The following SETD2 variants were observed in gnomAD, a reference collection of about 807,000 sequenced individuals.
SETD2 encodes the protein SET domain containing 2, histone lysine methyltransferase.
Under a neutral mutation model 242.1 loss-of-function variants are expected in SETD2, and 31 were observed. The observed-to-expected ratio is 0.13, with a 90% CI of 0.10 to 0.17. The LOEUF (loss-of-function observed/expected upper bound fraction) is 0.17, where lower values mean the gene tolerates loss of function less well. SETD2 is among the 10% of genes least tolerant of loss of function. The pLI is 1.00. For missense variants in SETD2, 2,481 were observed against 3,046.3 expected, an observed-to-expected ratio of 0.81 and a Z score of 4.37; for synonymous variants, 1,006 against 1,066.5, an observed-to-expected ratio of 0.94 and a Z score of 1.11.
At chr3:47,134,634 C>CA (rs1300950553) in intron 1 of SETD2, among the ~76,000 whole-genome samples, 1 of 145,686 alleles carries the variant, frequency 6.9e-6, no homozygotes, top group Non-Finnish European at 1.5e-5. Flanking sequence ...TGCTCAATGA[C>CA]TTTTTTTTTT....
intron 1 of SETD2, among the ~76,000 whole-genome samples, chr3:47,136,525 C>T (rs2043593090): frequency 6.6e-6 from 1 of 152,158 alleles, no homozygotes; most frequent in South Asian, 2.1e-4. Flanking sequence ...CCTTAGTGAA[C>T]TAACTCAGAA....
chr3:47,128,653 T>A (rs1303261124), intron 1 of SETD2, among the ~76,000 whole-genome samples: 1 of 152,122 alleles, frequency 6.6e-6, no homozygotes. Flanking sequence ...AAATTAACCA[T>A]TTTTTTCTAC....
intron 3 of SETD2, chr3:47,119,763 A>G (rs1167058408): frequency 1.3e-5 from 6 of 468,912 alleles, no homozygotes; most frequent in Non-Finnish European, 2.7e-5. Context: ...CTAATACAGT[A>G]CCCAAAGATA....
chr3:47,033,203 T>A (rs1229870605), intron 18 of SETD2, among the ~76,000 whole-genome samples: 2 of 152,206 alleles, frequency 1.3e-5, no homozygotes, highest in Non-Finnish European at 1.5e-5. Flanking sequence ...TCCCCAAACA[T>A]ATCCCGAACA....
At position 47,120,816 on chromosome 3, in the gene SETD2, G is replaced by A. The variant is rs779292384; in HGVS notation, c.3820C>T (p.Pro1274Ser). The change falls in exon 3 of 21, where the codon CCT (proline) becomes TCT (serine). Residue 1274 changes from proline (P) to serine (S), a missense_variant. Coordinates refer to ENST00000409792, the MANE Select transcript of SETD2 (RefSeq NM_014159.7). Reference protein sequence around the residue: ...QEKPSTTYQQPDSSYGACGGH... With the variant: ...QEKPSTTYQQSDSSYGACGGH... ...CCACAAGCTCCATAGCTACTGTCAG[G>A]TTGCTGATACGTGGTAGAAGGCTTT... 3.1e-6 allele frequency: 5 copies of A among 1,614,214 alleles called. No homozygotes were observed. The East Asian group carries it at 6.7e-5, about 22-fold the overall frequency.
intron 18 of SETD2, among the ~76,000 whole-genome samples, chr3:47,036,522 A>C (rs2039002538): frequency 6.6e-6 from 1 of 151,620 alleles, no homozygotes. Flanking sequence ...ACCAAAAAAA[A>C]CAAAAAACAC....
intron 1 of SETD2, among the ~76,000 whole-genome samples, chr3:47,158,823 A>G (rs1227796849): frequency 6.6e-6 from 1 of 152,216 alleles, no homozygotes; most frequent in Non-Finnish European, 1.5e-5. Flanking sequence ...CACAAATCAC[A>G]ATTAATACTA....
intron 5 of SETD2, among the ~76,000 whole-genome samples, chr3:47,110,710 G>A (rs919561422): frequency 1.3e-5 from 2 of 151,952 alleles, no homozygotes; most frequent in Non-Finnish European, 2.9e-5. Context: ...ATAAACTATT[G>A]GTATTACACA....
chr3:47,126,271 C>T (rs1372191594), intron 2 of SETD2, among the ~76,000 whole-genome samples: 1 of 152,198 alleles, frequency 6.6e-6, no homozygotes, highest in African/African-American at 2.4e-5. Flanking sequence ...ATCCACCTGC[C>T]TCAGCTTCCC....
At chr3:47,021,959 CAACA>C (rs1389959443) in intron 18 of SETD2, among the ~76,000 whole-genome samples, 1 of 151,610 alleles carries the variant, frequency 6.6e-6, no homozygotes, top group Admixed American at 6.6e-5. Context: ...CCATCCTGGC[CAACA>C]TGGTGAAACC....
Position 47,044,344 on chromosome 3 carries a change from C to CAAAAAAAAAAAAAAAAAAAAAAAAAAA in SETD2, c.7099-1671_7099-1645dup, listed in dbSNP as rs59408277. The stretch of plus-strand genomic sequence containing the variant: ...TGGGCAACAAAGCAAGACTTCATCT[C>CAAAAAAAAAAAAAAAAAAAAAAAAAAA]AAAAAAAAAAAAAAAAAAAAAAAAA... On this transcript the variant is annotated intron_variant, in intron 16 of 20. Transcript: ENST00000409792. Among the ~76,000 whole-genome samples, 4 of 33,948 alleles carry CAAAAAAAAAAAAAAAAAAAAAAAAAAA rather than the reference C, an allele frequency of 1.2e-4. 1 individual carries two copies. Among genetic ancestry groups the CAAAAAAAAAAAAAAAAAAAAAAAAAAA allele is most frequent in the African/African-American group, 3.4e-4 (3 of 8,738 alleles). 22.3% of individuals were successfully genotyped at this position (33,948 alleles called of 152,430 possible). A position where few individuals can be genotyped will look rare whatever the true frequency, so the allele number is the denominator to read the frequency against.
chr3:47,042,983 T>A (rs918862778), intron 16 of SETD2, among the ~76,000 whole-genome samples: 4 of 149,426 alleles, frequency 2.7e-5, no homozygotes, highest in African/African-American at 7.4e-5. Flanking sequence ...CTAAGGCATA[T>A]CAACTGCAGG....
At position 47,017,662 on chromosome 3, in the gene SETD2, T is replaced by G. The variant is rs1388010738; in HGVS notation, c.7509A>C (p.Glu2503Asp). The G allele has an allele frequency of 1.2e-6, 2 of 1,613,858 alleles. No individual in the cohort carries two copies. Among genetic ancestry groups the G allele is most frequent in the Non-Finnish European group, 1.7e-6 (2 of 1,179,856 alleles). Reference sequence around the variant, plus strand: ...CCTTGCGAGCCAGATGTTTAAAGTCTTCAGTTGTGGTAATTCTTCCCACTT... The same window carrying G: ...CCTTGCGAGCCAGATGTTTAAAGTCGTCAGTTGTGGTAATTCTTCCCACTT... ...DCKVGRITTT[E>D]DFKHLARKLT... The change falls in exon 20 of 21, where the codon GAA (glutamate) becomes GAC (aspartate). Residue 2503 changes from glutamate (E) to aspartate (D), a missense_variant. Transcript: ENST00000409792. The surrounding 1 kb of genome is among the most constrained non-coding windows in gnomAD (Gnocchi z 4.8).
rs75209447 is a variant in SETD2, at chr3:47,138,903, G to A, written c.72-12240C>T. Among the ~76,000 whole-genome samples the A allele has an allele frequency of 9.9e-3, 1,507 of 152,198 alleles. 31 individuals carry two copies. Among genetic ancestry groups the A allele is most frequent in the African/African-American group, 0.035 (1,453 of 41,532 alleles). On this transcript the variant is annotated intron_variant, in intron 1 of 20. Transcript: ENST00000409792. ...CCCCAGAAGGAATCTCAATAGCTAT[G>A]GTGGTCTCTTTTAAGTTCAAATCTA...
intron 1 of SETD2, among the ~76,000 whole-genome samples, chr3:47,156,397 TA>T (rs1233157716): frequency 2.6e-5 from 4 of 152,174 alleles, no homozygotes; most frequent in Non-Finnish European, 5.9e-5. Flanking sequence ...CTTGTATGTA[TA>T]AAATACGGCT....
Position 47,016,925 on chromosome 3 carries a change from G to A in SETD2, c.*168C>T. The A allele has an allele frequency of 1.6e-6, 1 of 630,652 alleles. No individual in the cohort carries two copies. The highest frequency in any genetic ancestry group is 2.8e-6 in the Non-Finnish European group (1 of 362,434). The allele number at this position is 630,652 out of a possible 1,614,324, so 39.1% of individuals were successfully genotyped here. On this transcript the variant is annotated 3_prime_UTR_variant, in exon 21 of 21. Transcript: ENST00000409792. Reference sequence around the variant, plus strand: ...ACAACTAGGTAATCACTTGTAGATGGAGTTCATTTTTGTGGCCTTCAGTTG... The same window carrying A: ...ACAACTAGGTAATCACTTGTAGATGAAGTTCATTTTTGTGGCCTTCAGTTG...
chr3:47,129,865 T>C (rs972744507), intron 1 of SETD2, among the ~76,000 whole-genome samples: 74 of 144,626 alleles, frequency 5.1e-4, no homozygotes, highest in Admixed American at 2.1e-3. Flanking sequence ...GGCGACAGAA[T>C]GAGACTCCGC....
intron 6 of SETD2, among the ~76,000 whole-genome samples, chr3:47,105,409 C>CT (rs2042371722): frequency 1.5e-5 from 1 of 66,988 alleles, no homozygotes; most frequent in African/African-American, 7.7e-5. Flanking sequence ...GACACTATCT[C>CT]TAAAAAAAAA....
At chr3:47,144,770 C>T (rs1038674255) in intron 1 of SETD2, among the ~76,000 whole-genome samples, 4 of 152,110 alleles carry the variant, frequency 2.6e-5, no homozygotes, top group African/African-American at 9.7e-5. Context: ...TAGTTCATGC[C>T]AACGTGGTTA....
Sources: allele counts gnomAD v4.1 joint callset (sites outside exome capture counted in the v4.1 genomes callset), GRCh38; gene constraint gnomAD v4.1.1; non-coding constraint Gnocchi (gnomAD v3.1); transcripts MANE v1.5; gene names NCBI Gene and HGNC (gene_info 2026-07-23, HGNC 2026-07-21).